RBM25: variants seen among roughly 807,000 people sequenced by gnomAD.
RBM25 encodes the protein RNA binding motif protein 25.
RBM25 carries 19 observed loss-of-function variants against 120.7 expected under a neutral mutation model. The ratio of observed to expected loss-of-function variants is 0.16; its 90% CI spans 0.11 to 0.23. RBM25 has a LOEUF of 0.23. Among genes scored for constraint, RBM25 ranks in the 10% least tolerant of loss-of-function variants. RBM25 has a pLI of 1.00. For missense variants in RBM25, 605 were observed against 1,041.5 expected (o/e 0.58, Z 5.77); for synonymous variants, 390 against 326.7 (o/e 1.19, Z -2.09).
intron 9 of RBM25, 161 bp downstream of exon 9, chr14:73,099,911 A>G: frequency 1.8e-6 from 2 of 1,131,012 alleles, no homozygotes; most frequent in South Asian, 2.4e-5. Flanking sequence ...GACCAATACC[A>G]TATTAAAGTG....
At chr14:73,068,188 A>G in intron 1 of RBM25, 1 of 861,632 alleles carries the variant, frequency 1.2e-6, no homozygotes. Context: ...GATATGTGGA[A>G]AGCCTTGTTT....
intron 10 of RBM25, among the ~76,000 whole-genome samples, chr14:73,104,009 C>CTG (rs1896127151): frequency 6.6e-6 from 1 of 151,118 alleles, no homozygotes; most frequent in African/African-American, 2.4e-5. Context: ...CTCTCTCTCT[C>CTG]TCTCTCTCAC....
At chr14:73,071,594 A>G (rs1188896550) in intron 1 of RBM25, 33 bp from the exon 2 acceptor site, 3 of 1,443,372 alleles carry the variant, frequency 2.1e-6, no homozygotes, top group Non-Finnish European at 2.9e-6. Context: ...ACGTTTTCAA[A>G]TAAAATGATT....
At chr14:73,086,103 A>G (rs1215030413) in intron 5 of RBM25, among the ~76,000 whole-genome samples, 1 of 151,830 alleles carries the variant, frequency 6.6e-6, no homozygotes, top group Non-Finnish European at 1.5e-5. Context: ...CCATTTCTCC[A>G]GGGGAAATTG....
chr14:73,071,209 T>C (rs1222076002), intron 1 of RBM25, among the ~76,000 whole-genome samples: 1 of 142,628 alleles, frequency 7.0e-6, no homozygotes, highest in Non-Finnish European at 1.5e-5. Flanking sequence ...GCCACTGCAC[T>C]CTAGCCTGTC....
chr14:73,115,646 G>A (rs1223429008), intron 18 of RBM25, among the ~76,000 whole-genome samples: 1 of 139,338 alleles, frequency 7.2e-6, no homozygotes, highest in Non-Finnish European at 1.7e-5. Context: ...AGTTAACACT[G>A]TGATTTTGTG....
At chr14:73,118,871 C>T (rs1211919941) in intron 18 of RBM25, among the ~76,000 whole-genome samples, 3 of 152,114 alleles carry the variant, frequency 2.0e-5, no homozygotes, top group Admixed American at 2.0e-4. Flanking sequence ...CAGGTTCAAG[C>T]GATTCTCCTA....
intron 9 of RBM25, chr14:73,102,304 T>C (rs943445022): frequency 9.9e-5 from 15 of 152,204 alleles, no homozygotes; most frequent in African/African-American, 3.1e-4. Flanking sequence ...GGGTACAAAC[T>C]TGGTCTGACT....
Position 73,123,803 on chromosome 14 carries a change from TAAAG to T in RBM25, c.*4001_*4004del, listed in dbSNP as rs1005426539. 1.3e-5 allele frequency: 2 copies of T among 152,196 alleles called. No individual in the cohort carries two copies. The highest frequency in any genetic ancestry group is 6.5e-5 in the Admixed American group (1 of 15,278). 9.4% of individuals were successfully genotyped at this position (152,196 alleles called of 1,614,324 possible). A position where few individuals can be genotyped will look rare whatever the true frequency, so the allele number is the denominator to read the frequency against. ...ATTACTTGAGTCATGAAGGCGAAAT[TAAAG>T]AATGGCAGTCTAAAATACCCAGGTA... is the stretch of plus-strand genomic sequence containing the variant. On this transcript the variant is annotated 3_prime_UTR_variant, in exon 19 of 19. Transcript: ENST00000261973.
intron 17 of RBM25, among the ~76,000 whole-genome samples, chr14:73,112,631 C>T (rs1304882919): frequency 4.6e-5 from 7 of 152,018 alleles, no homozygotes; most frequent in East Asian, 1.9e-4. Flanking sequence ...ATTTTTTGGA[C>T]GTAGCCAATA....
At chr14:73,114,433 GGTAGT>G (rs1896380397) in intron 18 of RBM25, 100 bp downstream of exon 18, 1 of 817,396 alleles carries the variant, frequency 1.2e-6, no homozygotes, top group East Asian at 3.0e-5. Flanking sequence ...CGTTGCCCAG[GGTAGT>G]CTTAAATTCC....
intron 18 of RBM25, among the ~76,000 whole-genome samples, chr14:73,115,838 G>A (rs1007803525): frequency 3.3e-5 from 5 of 152,210 alleles, no homozygotes; most frequent in Admixed American, 6.5e-5. Flanking sequence ...GAAAGGAGAG[G>A]TTATGGTCAG....
chr14:73,104,554 G>A (rs1018470006), intron 10 of RBM25, among the ~76,000 whole-genome samples: 9 of 151,700 alleles, frequency 5.9e-5, no homozygotes, highest in Non-Finnish European at 1.2e-4. Context: ...TTTTTGTAGA[G>A]TCTAGGTTTT....
In RBM25 at chr14:73,121,639, T is replaced by A. The variant is rs1896543084; in HGVS notation, c.*1834T>A. 1 of 152,234 alleles carries A rather than the reference T, an allele frequency of 6.6e-6. No homozygotes were observed. Among genetic ancestry groups the A allele is most frequent in the South Asian group, 2.1e-4 (1 of 4,832 alleles). 9.4% of individuals were successfully genotyped at this position (152,234 alleles called of 1,614,324 possible). ...GACCTTGTTCGAGGAGTTTATTGTG[T>A]CTGTCTTTTCTTAACATACTGCACT... On this transcript the variant is annotated 3_prime_UTR_variant, in exon 19 of 19. Transcript: ENST00000261973.
chr14:73,068,756 A>C (rs1272749918), intron 1 of RBM25: 1 of 288,312 alleles, frequency 3.5e-6, no homozygotes, highest in Non-Finnish European at 6.9e-6. Context: ...TTGTATTTTT[A>C]GTAGAGATGG....
rs534638256 is a variant in RBM25, at chr14:73,106,277, A to G, written c.1459A>G (p.Arg487Gly). Residue 487 changes from arginine to glycine, a missense_variant, in exon 12 of 19, where the codon AGA becomes GGA. Coordinates refer to ENST00000261973, the MANE Select transcript of RBM25 (RefSeq NM_021239.3). ...AGCTGAAAGAGAAGAAGAAAGAAGA[A>G]GAGAAATGGTAAGATTCTAGGCTAA... ...KEAEREEERR[R>G]EMAKEAKRLK... is the part of the protein sequence containing the mutation. The G allele has an allele frequency of 4.4e-6, 7 of 1,591,364 alleles. No homozygotes were observed. Among genetic ancestry groups the G allele is most frequent in the Non-Finnish European group, 6.0e-6 (7 of 1,172,332 alleles).
chr14:73,106,159 AT>A, intron 11 of RBM25, 36 bp from the exon 12 acceptor site: 1 of 1,577,766 alleles, frequency 6.3e-7, no homozygotes, highest in Non-Finnish European at 8.6e-7. Flanking sequence ...AATGCTATGT[AT>A]AAATTTTTAA....
chr14:73,119,526 A>C (rs1191041657), intron 18 of RBM25, among the ~76,000 whole-genome samples, 187 bp from the exon 19 acceptor site: 1 of 152,194 alleles, frequency 6.6e-6, no homozygotes, highest in East Asian at 1.9e-4. Flanking sequence ...CGGCCTCCCA[A>C]AATGCTGGGA....
At chr14:73,089,279 C>G (rs781511689) in intron 6 of RBM25, among the ~76,000 whole-genome samples, 1 of 152,104 alleles carries the variant, frequency 6.6e-6, no homozygotes, top group Non-Finnish European at 1.5e-5. Context: ...ACCTGTAATC[C>G]CATCATCATA....
Sources: allele counts gnomAD v4.1 joint callset (sites outside exome capture counted in the v4.1 genomes callset), GRCh38; gene constraint gnomAD v4.1.1; transcripts MANE v1.5; gene names NCBI Gene and HGNC (gene_info 2026-07-23, HGNC 2026-07-21).